GTF2H3: variants seen among roughly 807,000 people sequenced by gnomAD.
The protein encoded by GTF2H3 is TFIIH basal transcription factor complex p34 subunit.
GTF2H3 carries 42 observed loss-of-function variants against 51.1 expected under a neutral mutation model. The observed-to-expected ratio is 0.82, with a 90% CI of 0.64 to 1.06. The LOEUF (loss-of-function observed/expected upper bound fraction) is 1.06. Ranked by LOEUF, GTF2H3 falls within the 50% of genes least tolerant of loss-of-function variation. The pLI, the probability that GTF2H3 is intolerant of heterozygous loss-of-function variation, is 0.00. For synonymous variants in GTF2H3, 123 were observed against 123.8 expected, an observed-to-expected ratio of 0.99 and a Z score of 0.04; for missense variants, 326 against 366.1, an observed-to-expected ratio of 0.89 and a Z score of 0.89.
At chr12:123,643,784 A>G (rs749397322) in intron 2 of GTF2H3, among the ~76,000 whole-genome samples, 11 of 152,200 alleles carry the variant, frequency 7.2e-5, no homozygotes, top group Non-Finnish European at 1.3e-4. Context: ...TTCGCCAATT[A>G]GAAATTTTAA....
At chr12:123,655,484 T>G (rs915429005) in intron 8 of GTF2H3, 1 of 378,050 alleles carries the variant, frequency 2.6e-6, no homozygotes, top group East Asian at 4.3e-5. Context: ...GCTATAGCCA[T>G]GCATAATGTT....
intron 8 of GTF2H3, 172 bp from the exon 9 acceptor site, chr12:123,655,599 C>G: frequency 3.8e-6 from 2 of 530,880 alleles, no homozygotes; most frequent in South Asian, 5.3e-5. Flanking sequence ...TGACCACAGC[C>G]CAGCCATGTC....
intron 1 of GTF2H3, among the ~76,000 whole-genome samples, chr12:123,635,590 A>G (rs1371852945): frequency 6.6e-6 from 1 of 151,882 alleles, no homozygotes; most frequent in Admixed American, 6.6e-5. Context: ...AAAAAAAAAA[A>G]AAGGTAGAGA....
At chr12:123,645,139 T>C (rs1324749705) in intron 2 of GTF2H3, among the ~76,000 whole-genome samples, 1 of 152,330 alleles carries the variant, frequency 6.6e-6, no homozygotes. Flanking sequence ...GGTACAATCT[T>C]GGCTCACTGC....
chr12:123,651,367 C>A (rs1285501775), intron 5 of GTF2H3, among the ~76,000 whole-genome samples: 1 of 152,106 alleles, frequency 6.6e-6, no homozygotes, highest in African/African-American at 2.4e-5. Flanking sequence ...GCCATCACTC[C>A]CGGCTAATTT....
intron 5 of GTF2H3, among the ~76,000 whole-genome samples, chr12:123,652,289 G>A (rs1161640577): frequency 6.6e-6 from 1 of 152,092 alleles, no homozygotes; most frequent in East Asian, 1.9e-4. Flanking sequence ...TCAAGTGTTG[G>A]GAATTTTAAT....
Position 123,633,879 on chromosome 12 carries a change from A to G in GTF2H3, c.13+7A>G. On this transcript the variant is annotated splice_region_variant and intron_variant, in intron 1 of 12. Transcript: ENST00000543341. ...ACAGCCATGGTTTCAGACGGTGAGGACCCTGCAGGGCGGGACTTCGACTCC... is the reference window on the plus strand; with the variant it reads ...ACAGCCATGGTTTCAGACGGTGAGGGCCCTGCAGGGCGGGACTTCGACTCC... The G allele has an allele frequency of 1.2e-6, 2 of 1,612,866 alleles. No homozygotes were observed. Among genetic ancestry groups the G allele is most frequent in the South Asian group, 1.1e-5 (1 of 91,044 alleles).
At chr12:123,653,925 A>G (rs1037063585) in intron 7 of GTF2H3, among the ~76,000 whole-genome samples, 8 of 152,174 alleles carry the variant, frequency 5.3e-5, no homozygotes, top group Non-Finnish European at 1.0e-4. Flanking sequence ...TCATCAGGGT[A>G]TTGTTTAAAA....
Position 123,661,334 on chromosome 12 carries a change from T to G in GTF2H3, c.*1099T>G, listed in dbSNP as rs1361509254. ...TTTAAGGAATGGTGGCTGGTTTGGT[T>G]TGTTTTTTAAAAATGTTTACTGACG... On this transcript the variant is annotated 3_prime_UTR_variant, in exon 13 of 13. Transcript: ENST00000543341. The G allele has an allele frequency of 6.6e-6, 1 of 152,054 alleles. No homozygotes were observed. The highest frequency in any genetic ancestry group is 2.4e-5 in the African/African-American group (1 of 41,394). 9.4% of individuals were successfully genotyped at this position (152,054 alleles called of 1,614,324 possible).
At chr12:123,644,262 CAT>C (rs975741638) in intron 2 of GTF2H3, among the ~76,000 whole-genome samples, 8 of 151,934 alleles carry the variant, frequency 5.3e-5, no homozygotes, top group Admixed American at 2.6e-4. Flanking sequence ...TTTCTCTGAA[CAT>C]ATGAGTACCA....
intron 1 of GTF2H3, among the ~76,000 whole-genome samples, chr12:123,637,158 G>T (rs1955296263): frequency 6.6e-6 from 1 of 152,154 alleles, no homozygotes; most frequent in Non-Finnish European, 1.5e-5. Context: ...TTGTATGTCT[G>T]TCTGTCACCT....
At chr12:123,651,274 A>G (rs1955516940) in intron 5 of GTF2H3, 11 of 376,144 alleles carry the variant, frequency 2.9e-5, no homozygotes, top group South Asian at 6.3e-5. Flanking sequence ...GCAGTGGCAC[A>G]ATCTCGGCTC....
intron 9 of GTF2H3, among the ~76,000 whole-genome samples, chr12:123,658,648 T>A (rs557040810): frequency 2.6e-4 from 40 of 152,262 alleles, no homozygotes; most frequent in African/African-American, 8.9e-4. Flanking sequence ...GTGTTATTTC[T>A]TAAAGAGAAC....
In GTF2H3 at chr12:123,641,543, G is replaced by GT. The variant is rs57962738; in HGVS notation, c.93+2210dup. Among the ~76,000 whole-genome samples, 1,399 of 140,578 alleles carry GT rather than the reference G, an allele frequency of 1.0e-2. 17 individuals carry two copies. Among genetic ancestry groups the GT allele is most frequent in the Non-Finnish European group, 0.014 (911 of 64,688 alleles). The allele number at this position is 140,578 out of a possible 152,430, so 92.2% of individuals were successfully genotyped here. A position where few individuals can be genotyped will look rare whatever the true frequency, so the allele number is the denominator to read the frequency against. On this transcript the variant is annotated intron_variant, in intron 2 of 12. Coordinates refer to ENST00000543341, the MANE Select transcript of GTF2H3 (RefSeq NM_001516.5). Reference sequence around the variant, plus strand: ...TCTGCCCCCGTTTTTTTTTTTGTGTGTTTTTTTTTTGAGACAGAGTCTCAC... The same window carrying GT: ...TCTGCCCCCGTTTTTTTTTTTGTGTGTTTTTTTTTTTGAGACAGAGTCTCAC...
In GTF2H3 at chr12:123,660,189, C is replaced by T; in HGVS notation, c.881C>T (p.Pro294Leu). 4 of 1,611,928 alleles carry T rather than the reference C, an allele frequency of 2.5e-6. No homozygotes were observed. The highest frequency in any genetic ancestry group is 1.8e-4 in the Middle Eastern group (1 of 5,698). Reference protein sequence around the residue: ...TCETAFKISLPPVLKAKKKKL... With the variant: ...TCETAFKISLLPVLKAKKKKL... ...AGGACAGCCTTTAAAATTTCTCTGC[C>T]TCCAGTGCTGAAAGCCAAGAAAAAG... The change falls in exon 13 of 13, where the codon CCT becomes CTT. Residue 294 changes from proline (P) to leucine (L), a missense_variant. Transcript: ENST00000543341.
chr12:123,646,255 CTTTTTTTTTT>C (rs34427180), intron 3 of GTF2H3, among the ~76,000 whole-genome samples: 1 of 135,834 alleles, frequency 7.4e-6, no homozygotes, highest in African/African-American at 2.7e-5. Flanking sequence ...TCTTCTATGT[CTTTTTTTTTT>C]TTTTTTTTGG....
chr12:123,641,545 T>TG (rs1955374631), intron 2 of GTF2H3, among the ~76,000 whole-genome samples: 2 of 150,332 alleles, frequency 1.3e-5, no homozygotes, highest in Admixed American at 1.3e-4. Flanking sequence ...TTTTGTGTGT[T>TG]TTTTTTTTGA....
rs766936661 is a variant in GTF2H3 at position 123,660,152 on chromosome 12, C to G, written c.858-14C>G. ...CTAGAACATTAAAAAATGTTTTCCTCTCTGTAATTTCAGGACAGCCTTTAA... is the reference window on the plus strand; with the variant it reads ...CTAGAACATTAAAAAATGTTTTCCTGTCTGTAATTTCAGGACAGCCTTTAA... On this transcript the variant is annotated splice_polypyrimidine_tract_variant and intron_variant, in intron 12 of 12. Transcript: ENST00000543341. 5 of 1,608,492 alleles carry G rather than the reference C, an allele frequency of 3.1e-6. No individual in the cohort carries two copies. The East Asian group carries it at 6.7e-5, about 22-fold the overall frequency.
intron 4 of GTF2H3, chr12:123,650,012 C>T (rs960955029): frequency 6.6e-6 from 1 of 152,164 alleles, no homozygotes; most frequent in Non-Finnish European, 1.5e-5. Flanking sequence ...ATTTCTATTA[C>T]AGTGCCAGGT....
Sources: allele counts gnomAD v4.1 joint callset (sites outside exome capture counted in the v4.1 genomes callset), GRCh38; gene constraint gnomAD v4.1.1; transcripts MANE v1.5; gene names NCBI Gene and HGNC (gene_info 2026-07-23, HGNC 2026-07-21).